ATP10D: variants seen among roughly 807,000 people sequenced by gnomAD.
The protein encoded by ATP10D is ATPase phospholipid transporting 10D (putative).
ATP10D carries 89 observed loss-of-function variants against 144.8 expected under a neutral mutation model. That is an observed-to-expected ratio of 0.61 (90% confidence interval 0.52 to 0.73). The LOEUF (loss-of-function observed/expected upper bound fraction) is 0.73, where lower values mean the gene tolerates loss of function less well. Among genes scored for constraint, ATP10D ranks in the 30% least tolerant of loss-of-function variants. The pLI is 0.00. For synonymous variants in ATP10D, 571 were observed against 615.1 expected (o/e 0.93, Z 1.06); for missense variants, 1,603 against 1,714.8 (o/e 0.93, Z 1.15).
chr4:47,538,630 G>A (rs1042535551), intron 9 of ATP10D, among the ~76,000 whole-genome samples: 9 of 152,142 alleles, frequency 5.9e-5, no homozygotes, highest in African/African-American at 2.2e-4. Context: ...TGAAATAGAG[G>A]TGTCTGCTGA....
chr4:47,589,250 A>T, intron 22 of ATP10D, among the ~76,000 whole-genome samples: 1 of 152,190 alleles, frequency 6.6e-6, no homozygotes, highest in East Asian at 1.9e-4. Context: ...AGCTAATTTC[A>T]TAATTTTTTG....
At chr4:47,495,562 T>C (rs1379348133) in intron 1 of ATP10D, among the ~76,000 whole-genome samples, 1 of 152,188 alleles carries the variant, frequency 6.6e-6, no homozygotes, top group Admixed American at 6.5e-5. Context: ...ATTAATAGAC[T>C]ATCCCAAAAT....
rs764067652 is a variant in ATP10D, at chr4:47,557,680, T to TG, written c.1848dup (p.Leu617ValfsTer4). On this transcript the variant is annotated frameshift_variant, in exon 12 of 23. Transcript: ENST00000273859. LOFTEE classifies it high-confidence loss of function. ...CTTTCATAGATCAGACACCCTTCACTGGGGGGGTTGCCCATTAAGTCTTTG... is the reference window on the plus strand; with the variant it reads ...CTTTCATAGATCAGACACCCTTCACTGGGGGGGGTTGCCCATTAAGTCTTTG... The TG allele has an allele frequency of 2.9e-5, 47 of 1,609,506 alleles. No homozygotes were observed. In the African/African-American group the frequency reaches 3.1e-4, roughly 11 times the overall value.
intron 18 of ATP10D, among the ~76,000 whole-genome samples, chr4:47,576,054 C>T (rs1165760449): frequency 8.0e-5 from 12 of 150,332 alleles, no homozygotes; most frequent in Admixed American, 4.0e-4. Context: ...GCCTCAGCCT[C>T]CCAAGTAGCT....
intron 19 of ATP10D, chr4:47,578,197 C>G (rs911906879): frequency 4.6e-5 from 7 of 152,180 alleles, no homozygotes; most frequent in Admixed American, 4.6e-4. Context: ...ATTGACTTTA[C>G]CTTCTAAAAT....
At chr4:47,576,730 A>G (rs1720261783) in intron 18 of ATP10D, 43 bp from the exon 19 acceptor site, 14 of 1,569,698 alleles carry the variant, frequency 8.9e-6, no homozygotes, top group Non-Finnish European at 1.1e-5. Context: ...CATAGCACAC[A>G]TTACTGATTC....
rs28587139 is a variant in ATP10D at position 47,555,361 on chromosome 4, T to G, written c.1824+447T>G. ...CCCACCCAACCCGTCTGTGGAAAAT[T>G]GTCTTCACAAAACTGGTCCCTGGTG... On this transcript the variant is annotated intron_variant, in intron 11 of 22. Transcript: ENST00000273859. Among the ~76,000 whole-genome samples, 1,213 of 152,290 alleles carry G rather than the reference T, an allele frequency of 8.0e-3. 19 individuals are homozygous for G. Among genetic ancestry groups the G allele is most frequent in the African/African-American group, 0.027 (1,129 of 41,562 alleles).
At chr4:47,528,458 GGTGTGTGT>G (rs372960268) in intron 5 of ATP10D, among the ~76,000 whole-genome samples, 9,940 of 115,012 alleles carry the variant, frequency 0.086, 497 homozygotes, top group Non-Finnish European at 0.11. Context: ...AGTAGTCCAT[GGTGTGTGT>G]GTGTGTGTGT....
At chr4:47,546,341 G>GAA (rs1553896897) in intron 9 of ATP10D, among the ~76,000 whole-genome samples, 37 of 152,162 alleles carry the variant, frequency 2.4e-4, no homozygotes, top group Non-Finnish European at 5.1e-4. Flanking sequence ...CTGAAACAGA[G>GAA]ATGCTTTGTC....
intron 14 of ATP10D, among the ~76,000 whole-genome samples, chr4:47,561,498 A>G (rs181026257): frequency 6.6e-6 from 1 of 152,182 alleles, no homozygotes; most frequent in African/African-American, 2.4e-5. Context: ...GGCACAGAGC[A>G]GTTCAATGAC....
At chr4:47,486,182 A>T (rs1163712783) in intron 1 of ATP10D, among the ~76,000 whole-genome samples, 3 of 152,198 alleles carry the variant, frequency 2.0e-5, no homozygotes, top group African/African-American at 2.4e-5. Flanking sequence ...TTACGTTGTA[A>T]AACATGTAGT....
chr4:47,490,683 G>T (rs1014828850), intron 1 of ATP10D, among the ~76,000 whole-genome samples: 30 of 152,230 alleles, frequency 2.0e-4, no homozygotes, highest in Non-Finnish European at 2.9e-5. Flanking sequence ...CAGCACGGGT[G>T]GTATAGGGCA....
At chr4:47,561,653 A>G (rs1446899694) in intron 14 of ATP10D, among the ~76,000 whole-genome samples, 1 of 152,170 alleles carries the variant, frequency 6.6e-6, no homozygotes, top group African/African-American at 2.4e-5. Context: ...TTCAACTAAA[A>G]TTGCACAACT....
chr4:47,504,547 T>G (rs1349418595), intron 1 of ATP10D, among the ~76,000 whole-genome samples: 1 of 152,054 alleles, frequency 6.6e-6, no homozygotes, highest in African/African-American at 2.4e-5. Context: ...CTACCTCTGA[T>G]GTGTAGGTCA....
At chr4:47,522,909 A>T in intron 3 of ATP10D, 103 bp from the exon 4 acceptor site, 1 of 949,350 alleles carries the variant, frequency 1.1e-6, no homozygotes, top group Non-Finnish European at 1.6e-6. Flanking sequence ...CCTAATACTT[A>T]ATATATACTT....
intron 20 of ATP10D, among the ~76,000 whole-genome samples, chr4:47,580,934 G>A (rs978823284): frequency 2.6e-5 from 4 of 152,054 alleles, no homozygotes; most frequent in African/African-American, 9.7e-5. Context: ...GTAGTGGTGT[G>A]GACCTGTGGC....
chr4:47,536,635 A>G (rs1192833285), intron 8 of ATP10D, 51 bp from the exon 9 acceptor site: 1 of 1,599,338 alleles, frequency 6.3e-7, no homozygotes, highest in Non-Finnish European at 8.5e-7. Context: ...TCAGTTTCAC[A>G]TCCTTTTTTA....
Position 47,512,670 on chromosome 4 carries a change from C to T in ATP10D, c.130C>T (p.Pro44Ser), listed in dbSNP as rs765340052. The change falls in exon 2 of 23, where the codon CCT becomes TCT. Residue 44 changes from proline to serine, a missense_variant. Pro to Ser is a moderately conservative substitution (Grantham distance 74, BLOSUM62 -1). Coordinates refer to ENST00000273859, the MANE Select transcript of ATP10D (RefSeq NM_020453.4). Reference protein sequence around the residue: ...LACGRKSSQTPKLSGRHRIVV... With the variant: ...LACGRKSSQTSKLSGRHRIVV... ...CTGTGGGCGCAAGTCCTCTCAGACC[C>T]CTAAACTGTCAGGAAGGCACCGGAT... 14 of 1,614,028 alleles carry T rather than the reference C, an allele frequency of 8.7e-6. No individual in the cohort carries two copies. The highest frequency in any genetic ancestry group is 1.3e-5 in the African/African-American group (1 of 74,908).
At chr4:47,502,340 G>T (rs186319699) in intron 1 of ATP10D, among the ~76,000 whole-genome samples, 1 of 151,930 alleles carries the variant, frequency 6.6e-6, no homozygotes, top group East Asian at 1.9e-4. Context: ...GCGTGGTGGC[G>T]GGCGCCTGTA....
Sources: allele counts gnomAD v4.1 joint callset (sites outside exome capture counted in the v4.1 genomes callset), GRCh38; gene constraint gnomAD v4.1.1; transcripts MANE v1.5; gene names NCBI Gene and HGNC (gene_info 2026-07-23, HGNC 2026-07-21).